ZBBX: variants seen among roughly 807,000 people sequenced by gnomAD.
ZBBX encodes the protein zinc finger B-box domain-containing protein 1.
ZBBX carries 101 observed loss-of-function variants against 108.5 expected under a neutral mutation model. That is an observed-to-expected ratio of 0.93 (90% CI 0.79 to 1.10). The LOEUF (loss-of-function observed/expected upper bound fraction) is 1.10, where lower values mean the gene tolerates loss of function less well. Among genes scored for constraint, ZBBX ranks in the 50% least tolerant of loss-of-function variants. The pLI is 0.00. For synonymous variants in ZBBX, 356 were observed against 323.4 expected, an observed-to-expected ratio of 1.10 and a Z score of -1.08; for missense variants, 1,009 against 941.4, an observed-to-expected ratio of 1.07 and a Z score of -0.94.
Position 167,317,607 on chromosome 3 carries a change from A to G in ZBBX, c.984-10T>C. On this transcript the variant is annotated splice_polypyrimidine_tract_variant and intron_variant, in intron 12 of 21. Transcript: ENST00000675490. ...TTGCTCTTGTGGAGTTCTACAAAAT[A>G]AGAAAGAAGCAATTAAGAGACTGAA... 1 of 1,583,540 alleles carries G rather than the reference A, an allele frequency of 6.3e-7. No individual in the cohort carries two copies. The highest frequency in any genetic ancestry group is 8.6e-7 in the Non-Finnish European group (1 of 1,159,814).
At chr3:167,248,633 A>C (rs1245060572) in intron 20 of ZBBX, 2 of 456,682 alleles carry the variant, frequency 4.4e-6, no homozygotes, top group South Asian at 3.1e-5. Flanking sequence ...CTGGACTCCA[A>C]GCTTCAGGCT....
At chr3:167,245,164 A>C (rs1426479506) in intron 20 of ZBBX, among the ~76,000 whole-genome samples, 1 of 152,186 alleles carries the variant, frequency 6.6e-6, no homozygotes, top group East Asian at 1.9e-4. Context: ...CTGTAATCCC[A>C]GCACTTTGGG....
At chr3:167,383,899 C>T (rs538444860), upstream of ZBBX, among the ~76,000 whole-genome samples, 6 of 152,064 alleles carry the variant, frequency 3.9e-5, no homozygotes, top group East Asian at 1.9e-4. Context: ...TTAAGTACTA[C>T]GTTCAAAAAG....
intron 20 of ZBBX, among the ~76,000 whole-genome samples, chr3:167,266,279 C>A (rs1725453544): frequency 6.6e-6 from 1 of 152,082 alleles, no homozygotes; most frequent in Non-Finnish European, 1.5e-5. Context: ...TTTTGGTCTA[C>A]AAAAGGGTAA....
At chr3:167,392,498 A>G (rs1488777599) in intron 1 of ZBBX, among the ~76,000 whole-genome samples, 1 of 151,796 alleles carries the variant, frequency 6.6e-6, no homozygotes, top group Non-Finnish European at 1.5e-5. Context: ...GAAACTGTCA[A>G]ACTGTTTTCC....
chr3:167,357,553 A>C (rs968572221), intron 8 of ZBBX, among the ~76,000 whole-genome samples: 1 of 152,142 alleles, frequency 6.6e-6, no homozygotes, highest in Non-Finnish European at 1.5e-5. Context: ...GTATTTGTAC[A>C]CTCATGTTCA....
chr3:167,304,101 C>T (rs1253870139), intron 17 of ZBBX, among the ~76,000 whole-genome samples: 1 of 151,944 alleles, frequency 6.6e-6, no homozygotes, highest in East Asian at 1.9e-4. Flanking sequence ...CTGTCTTATT[C>T]TTAAGTTCTT....
intron 19 of ZBBX, among the ~76,000 whole-genome samples, chr3:167,287,326 A>G (rs1729884893): frequency 6.6e-6 from 1 of 152,162 alleles, no homozygotes; most frequent in African/African-American, 2.4e-5. Flanking sequence ...TTATATTAGC[A>G]TAACACGGAG....
intron 2 of ZBBX, among the ~76,000 whole-genome samples, chr3:167,374,413 AT>A (rs1297734715): frequency 5.9e-5 from 9 of 152,332 alleles, no homozygotes; most frequent in African/African-American, 2.2e-4. Flanking sequence ...GTAATGCTGA[AT>A]TACTAAATCA....
chr3:167,301,718 G>A (rs1732703944), intron 17 of ZBBX, among the ~76,000 whole-genome samples: 1 of 152,054 alleles, frequency 6.6e-6, no homozygotes, highest in South Asian at 2.1e-4. Flanking sequence ...AGCACTTTGG[G>A]AGGCCAAGGC....
intron 16 of ZBBX, among the ~76,000 whole-genome samples, chr3:167,309,356 G>GTTACTCTGTGTGGGGGCTCCTACCA (rs1359725187): frequency 6.6e-6 from 1 of 152,196 alleles, no homozygotes; most frequent in East Asian, 1.9e-4. Flanking sequence ...TGCCCCAGTG[G>GTTACTCTGTGTGGGGGCTCCTACCA]TTACTCTGTG....
At chr3:167,236,263 A>G (rs1720227293), downstream of ZBBX, among the ~76,000 whole-genome samples, 1 of 151,768 alleles carries the variant, frequency 6.6e-6, no homozygotes, top group Admixed American at 6.6e-5. Context: ...CAATCTAATT[A>G]TCCATCTCAC....
rs1303832807 is a variant in ZBBX at position 167,330,871 on chromosome 3, G to GAGAAGA, written c.688-2761_688-2756dup. ...GGAGGAGGAGGAGGAGGAGGAGGAGGAGAAGAAGAAGAAGAAGAAGAAGAA... is the reference window on the plus strand; with the variant it reads ...GGAGGAGGAGGAGGAGGAGGAGGAGGAGAAGAAGAAGAAGAAGAAGAAGAAGAAGAA... On this transcript the variant is annotated intron_variant, in intron 10 of 21. Coordinates refer to ENST00000675490, the MANE Select transcript of ZBBX (RefSeq NM_001199201.2). 5.4e-3 allele frequency among the ~76,000 whole-genome samples: 237 copies of GAGAAGA among 43,938 alleles called. 8 individuals carry two copies. Among genetic ancestry groups the GAGAAGA allele is most frequent in the African/African-American group, 0.017 (210 of 12,380 alleles). The allele number at this position is 43,938 out of a possible 152,430, so 28.8% of individuals were successfully genotyped here. A position where few individuals can be genotyped will look rare whatever the true frequency, so the allele number is the denominator to read the frequency against.
At chr3:167,275,776 C>G (rs1576853402) in intron 20 of ZBBX, among the ~76,000 whole-genome samples, 1 of 152,188 alleles carries the variant, frequency 6.6e-6, no homozygotes, top group Non-Finnish European at 1.5e-5. Context: ...TGGAGCCCAC[C>G]ACAGCTCAAG....
intron 20 of ZBBX, among the ~76,000 whole-genome samples, chr3:167,256,120 G>A (rs2108387875): frequency 6.6e-6 from 1 of 152,174 alleles, no homozygotes; most frequent in South Asian, 2.1e-4. Context: ...CATCCATGTT[G>A]TCACAAATGA....
At chr3:167,225,273 C>T in the ZBBX span, among the ~76,000 whole-genome samples, 1 of 151,970 alleles carries the variant, frequency 6.6e-6, no homozygotes, top group Non-Finnish European at 1.5e-5. Context: ...TGCTCCTACC[C>T]TTATTTCTTA....
intron 20 of ZBBX, among the ~76,000 whole-genome samples, chr3:167,246,771 T>G (rs1423564617): frequency 6.6e-6 from 1 of 152,186 alleles, no homozygotes; most frequent in South Asian, 2.1e-4. Flanking sequence ...CAAAGTGTCT[T>G]TATAAGTAAG....
intron 2 of ZBBX, among the ~76,000 whole-genome samples, chr3:167,374,683 G>C (rs76403309): frequency 0.022 from 3,369 of 152,122 alleles, 64 homozygotes; most frequent in Non-Finnish European, 0.036. Flanking sequence ...AGCTCAAATG[G>C]TTTAGAGTCA....
At chr3:167,377,190 T>C (rs1747095305) in intron 2 of ZBBX, among the ~76,000 whole-genome samples, 1 of 152,194 alleles carries the variant, frequency 6.6e-6, no homozygotes, top group African/African-American at 2.4e-5. Context: ...ATGATCCTTC[T>C]ACACATGTTC....
Sources: gnomAD v4.1 joint callset for allele counts (sites outside exome capture counted in the v4.1 genomes callset) on GRCh38, gnomAD v4.1.1 for gene constraint, MANE v1.5 for transcripts, NCBI Gene and HGNC (gene_info 2026-07-23, HGNC 2026-07-21) for gene names.